The following EFNA4 variants were observed in gnomAD, a reference collection of about 807,000 sequenced individuals.
The protein encoded by EFNA4 is ephrin A4.
A neutral mutation model predicts 23.7 loss-of-function variants in EFNA4; 22 were observed. That is an observed-to-expected ratio of 0.93 (90% CI 0.66 to 1.32). The LOEUF is 1.32. Ranked by LOEUF, EFNA4 falls within the 40% of genes most tolerant of loss-of-function variation. EFNA4 has a pLI of 0.00. For synonymous variants in EFNA4, 113 were observed against 108.3 expected (o/e 1.04, Z -0.27); for missense variants, 252 against 252.3 (o/e 1.00, Z 0.01).
rs958220768 is a variant in EFNA4, at chr1:155,063,793, C to T, written c.-31C>T. 2.7e-6 allele frequency: 4 copies of T among 1,500,610 alleles called. No homozygotes were observed. Among genetic ancestry groups the T allele is most frequent in the Non-Finnish European group, 3.6e-6 (4 of 1,125,862 alleles). 93.0% of individuals were successfully genotyped at this position (1,500,610 alleles called of 1,614,324 possible). On this transcript the variant is annotated 5_prime_UTR_variant, in exon 1 of 4. Coordinates refer to ENST00000368409, the MANE Select transcript of EFNA4 (RefSeq NM_005227.3). This position sits in a 1 kb window ranked among gnomAD's most constrained non-coding sequence, Gnocchi z 4.1. ...CGACTGTGAAGCGGGCCGGGACCTG[C>T]CAGGCCAGACCAAACCGGACCTCGG...
chr1:155,066,203 C>T (rs1371852300), intron 1 of EFNA4, among the ~76,000 whole-genome samples: 4 of 152,168 alleles, frequency 2.6e-5, no homozygotes, highest in African/African-American at 4.8e-5. Flanking sequence ...ATTCTTTTCA[C>T]CCTTGGGTTG....
At chr1:155,065,028 G>A (rs986529688) in intron 1 of EFNA4, among the ~76,000 whole-genome samples, 1 of 152,176 alleles carries the variant, frequency 6.6e-6, no homozygotes, top group African/African-American at 2.4e-5. Context: ...ATCACTTGGA[G>A]GACCTGTTAA....
Position 155,066,881 on chromosome 1 carries a change from G to A in EFNA4, c.265G>A (p.Glu89Lys), listed in dbSNP as rs1663060083. The change falls in exon 2 of 4, where the codon GAG becomes AAG. Residue 89 changes from glutamate (E) to lysine (K), a missense_variant. Transcript: ENST00000368409. ...GCCAGGCTATGAGTCCTGCCAGGCA[G>A]AGGGCCCCCGGGCCTACAAGCGCTG... ...DWPGYESCQA[E>K]GPRAYKRWVC... The A allele has an allele frequency of 6.2e-7, 1 of 1,614,030 alleles. No homozygotes were observed. Among genetic ancestry groups the A allele is most frequent in the Non-Finnish European group, 8.5e-7 (1 of 1,180,046 alleles).
intron 1 of EFNA4, among the ~76,000 whole-genome samples, chr1:155,065,938 G>C (rs908450376): frequency 6.6e-6 from 1 of 151,086 alleles, no homozygotes; most frequent in African/African-American, 2.4e-5. Flanking sequence ...GGGTTTCACC[G>C]TGTTAGCCAG....
chr1:155,068,728 G>T, intron 3 of EFNA4, 125 bp from the exon 4 acceptor site: 1 of 1,043,768 alleles, frequency 9.6e-7, no homozygotes. Flanking sequence ...CATAGATCAT[G>T]GGAAGGGAGT....
intron 2 of EFNA4, 96 bp from the exon 3 acceptor site, chr1:155,067,276 C>T (rs765537295): frequency 4.1e-6 from 6 of 1,447,044 alleles, no homozygotes; most frequent in South Asian, 2.3e-5. Context: ...TTCCAGGGAC[C>T]TGGAGAGAAG....
chr1:155,065,146 G>A (rs1662978650), intron 1 of EFNA4, among the ~76,000 whole-genome samples: 1 of 152,212 alleles, frequency 6.6e-6, no homozygotes, highest in African/African-American at 2.4e-5. Flanking sequence ...AGGCACGGGG[G>A]ATGCAGTAGA....
chr1:155,068,079 A>G (rs919683879), intron 3 of EFNA4, among the ~76,000 whole-genome samples: 1 of 151,802 alleles, frequency 6.6e-6, no homozygotes, highest in Non-Finnish European at 1.5e-5. Context: ...TGCCACCACA[A>G]CTCACAACTG....
At chr1:155,067,243 T>C (rs1315283074) in intron 2 of EFNA4, 129 bp from the exon 3 acceptor site, 7 of 1,153,686 alleles carry the variant, frequency 6.1e-6, no homozygotes, top group Non-Finnish European at 8.8e-6. Flanking sequence ...TACATGGGTG[T>C]GGCCCCAAAG....
intron 1 of EFNA4, among the ~76,000 whole-genome samples, chr1:155,065,763 C>G (rs1355448699): frequency 6.6e-6 from 1 of 150,406 alleles, no homozygotes; most frequent in African/African-American, 2.5e-5. Flanking sequence ...GATGGAGTCT[C>G]GCTCTGTCTC....
Position 155,068,921 on chromosome 1 carries a change from A to G in EFNA4, c.538A>G (p.Thr180Ala), listed in dbSNP as rs148918689. The G allele has an allele frequency of 1.5e-5, 24 of 1,613,750 alleles. No homozygotes were observed. The highest frequency in any genetic ancestry group is 2.0e-5 in the Non-Finnish European group (24 of 1,179,908). ...CACATCAGGGTGGCGAGGGGGGGAC[A>G]CTCCCAGCCCCCTCTGTCTCTTGCT... ...SGTSGWRGGDTPSPLCLLLLL... is the reference protein window; with the variant it reads ...SGTSGWRGGDAPSPLCLLLLL... The change falls in exon 4 of 4, where the codon ACT (threonine) becomes GCT (alanine). Residue 180 changes from threonine (T) to alanine (A), a missense_variant. Physicochemically the swap from Thr to Ala is moderately conservative, Grantham distance 58 (BLOSUM62 0). Coordinates refer to ENST00000368409, the MANE Select transcript of EFNA4 (RefSeq NM_005227.3).
Position 155,063,910 on chromosome 1 carries a change from A to G in EFNA4, c.87A>G (p.Val29=). Residue 29 remains valine, a synonymous_variant, in exon 1 of 4, where the codon GTA becomes GTG. Coordinates refer to ENST00000368409, the MANE Select transcript of EFNA4 (RefSeq NM_005227.3). The surrounding 1 kb of genome is among the most constrained non-coding windows in gnomAD (Gnocchi z 4.1). ...PLRGGSSLRH[V]VYWNSSNPRL... is the part of the protein sequence containing the mutation. ...GCGGGGGCTCCAGCCTCCGCCACGT[A>G]GTCTACTGGAACTCCAGTAACCCCA... 1 of 1,567,808 alleles carries G rather than the reference A, an allele frequency of 6.4e-7. No individual in the cohort carries two copies.
intron 3 of EFNA4, among the ~76,000 whole-genome samples, chr1:155,068,324 G>T (rs757801424): frequency 6.7e-6 from 1 of 149,418 alleles, no homozygotes; most frequent in South Asian, 2.1e-4. Context: ...GGAGTACAGT[G>T]GTGCGATCTC....
intron 2 of EFNA4, among the ~76,000 whole-genome samples, 170 bp downstream of exon 2, chr1:155,067,186 A>T (rs1663073468): frequency 6.6e-6 from 1 of 152,010 alleles, no homozygotes; most frequent in Admixed American, 6.6e-5. Flanking sequence ...AAGTAGGAGG[A>T]GCTAGGAAAG....
At chr1:155,065,834 G>A (rs866608052) in intron 1 of EFNA4, among the ~76,000 whole-genome samples, 6 of 151,576 alleles carry the variant, frequency 4.0e-5, no homozygotes, top group East Asian at 1.9e-4. Context: ...CCGGGTTCAC[G>A]CCATTCTCCT....
At position 155,069,344 on chromosome 1, in the gene EFNA4, T is replaced by C. The variant is rs1663127614; in HGVS notation, c.*355T>C. 2 of 704,496 alleles carry C rather than the reference T, an allele frequency of 2.8e-6. No individual in the cohort carries two copies. 43.6% of individuals were successfully genotyped at this position (704,496 alleles called of 1,614,324 possible). ...GGCTGAAGACCTGGGGACAGGTCGA[T>C]TGCTGGACCAGGGCAAAGAAGAAGC... On this transcript the variant is annotated 3_prime_UTR_variant, in exon 4 of 4. Transcript: ENST00000368409.
intron 2 of EFNA4, 80 bp downstream of exon 2, chr1:155,067,096 G>C: frequency 2.7e-6 from 4 of 1,496,390 alleles, no homozygotes; most frequent in South Asian, 1.3e-5. Flanking sequence ...GGAAGGAGGA[G>C]GGGGCTGGGT....
Position 155,063,915 on chromosome 1 carries a change from A to G in EFNA4, c.92A>G (p.Tyr31Cys), listed in dbSNP as rs1662893722. The G allele has an allele frequency of 1.3e-6, 2 of 1,566,976 alleles. No individual in the cohort carries two copies. Among genetic ancestry groups the G allele is most frequent in the Admixed American group, 1.8e-5 (1 of 54,272 alleles). Residue 31 changes from tyrosine (Y) to cysteine (C), a missense_variant, in exon 1 of 4, where the codon TAC becomes TGC. Physicochemically the swap from Tyr to Cys is radical, Grantham distance 194. Coordinates refer to ENST00000368409, the MANE Select transcript of EFNA4 (RefSeq NM_005227.3). The surrounding 1 kb of genome is among the most constrained non-coding windows in gnomAD (Gnocchi z 4.1). ...RGGSSLRHVV[Y>C]WNSSNPRLLR... ...GGCTCCAGCCTCCGCCACGTAGTCT[A>G]CTGGAACTCCAGTAACCCCAGGTAG...
At chr1:155,064,708 CCTAT>C (rs1189244747) in intron 1 of EFNA4, among the ~76,000 whole-genome samples, 1 of 152,176 alleles carries the variant, frequency 6.6e-6, no homozygotes, top group Non-Finnish European at 1.5e-5. Flanking sequence ...TCTCCTATTT[CCTAT>C]CTGTTTTTCT....
Sources: gnomAD v4.1 joint callset for allele counts (sites outside exome capture counted in the v4.1 genomes callset) on GRCh38, gnomAD v4.1.1 for gene constraint, Gnocchi (gnomAD v3.1) non-coding constraint, MANE v1.5 for transcripts, NCBI Gene and HGNC (gene_info 2026-07-23, HGNC 2026-07-21) for gene names.